The following ACSF2 variants were observed in gnomAD, a reference collection of about 807,000 sequenced individuals.
The protein encoded by ACSF2 is acyl-CoA synthetase family member 2, also known as medium-chain acyl-CoA ligase ACSF2, mitochondrial.
In ACSF2, 52 loss-of-function variants were observed where a neutral mutation model predicts 79.3. The observed-to-expected ratio is 0.66, with a 90% CI of 0.53 to 0.83. The LOEUF is 0.83. Among genes scored for constraint, ACSF2 ranks in the 40% least tolerant of loss-of-function variants. The pLI, the probability that ACSF2 is intolerant of heterozygous loss-of-function variation, is 0.00. For missense variants in ACSF2, 661 were observed against 803.3 expected (o/e 0.82, Z 2.14); for synonymous variants, 283 against 312.6 (o/e 0.91, Z 1.00).
At chr17:50,454,700 A>T (rs2031884502) in intron 1 of ACSF2, among the ~76,000 whole-genome samples, 1 of 152,138 alleles carries the variant, frequency 6.6e-6, no homozygotes, top group African/African-American at 2.4e-5. Flanking sequence ...GAAGCTTGGA[A>T]ACCTGGTCTT....
At chr17:50,453,780 CTGTTGT>C (rs913313298) in intron 1 of ACSF2, among the ~76,000 whole-genome samples, 3 of 150,178 alleles carry the variant, frequency 2.0e-5, no homozygotes, top group Non-Finnish European at 3.0e-5. Flanking sequence ...TGTGTGTGTG[CTGTTGT>C]TGTTGTTGTT....
intron 10 of ACSF2, chr17:50,465,750 T>G: frequency 6.2e-7 from 1 of 1,613,538 alleles, no homozygotes; most frequent in South Asian, 1.1e-5. Context: ...CAGGGGTTAT[T>G]GGTAAGGGCG....
chr17:50,461,954 G>A lies in ACSF2; in HGVS notation c.508-230G>A, dbSNP rs12602634. ...TGTGTGTGTGTGTGTGTGTGTGTGC[G>A]TGTGTCCATCCTCATATGTGATGCA... On this transcript the variant is annotated intron_variant, in intron 4 of 15. Transcript: ENST00000300441. Among the ~76,000 whole-genome samples the A allele has an allele frequency of 4.8e-3, 723 of 151,866 alleles. 34 individuals carry two copies. In the East Asian group the frequency reaches 0.11, roughly 22 times the overall value.
chr17:50,471,087 T>C lies in ACSF2; in HGVS notation c.1275T>C (p.Thr425=), dbSNP rs2033096973. Reference sequence around the variant, plus strand: ...CATTCGCGCACTTCCCTGAGGACACTGTGGAGCAGAAGGCAGAAAGCGTGG... The same window carrying C: ...CATTCGCGCACTTCCCTGAGGACACCGTGGAGCAGAAGGCAGAAAGCGTGG... The part of the protein sequence containing the change: ...PVTFAHFPED[T]VEQKAESVGR... Residue 425 remains threonine (T), a synonymous_variant, in exon 11 of 16, where the codon ACT becomes ACC. Coordinates refer to ENST00000300441, the MANE Select transcript of ACSF2 (RefSeq NM_025149.6). The surrounding 1 kb of genome is among the most constrained non-coding windows in gnomAD (Gnocchi z 4.1). The C allele has an allele frequency of 1.9e-6, 3 of 1,613,722 alleles. No homozygotes were observed. The highest frequency in any genetic ancestry group is 2.5e-6 in the Non-Finnish European group (3 of 1,179,912).
At chr17:50,441,012 G>A (rs944224540) in intron 1 of ACSF2, among the ~76,000 whole-genome samples, 10 of 152,372 alleles carry the variant, frequency 6.6e-5, no homozygotes, top group African/African-American at 2.2e-4. Context: ...CCCATGGACT[G>A]GAGGCACTCA....
chr17:50,469,221 T>C (rs2032974106), intron 10 of ACSF2, among the ~76,000 whole-genome samples: 1 of 152,248 alleles, frequency 6.6e-6, no homozygotes, highest in Non-Finnish European at 1.5e-5. Context: ...AGGGAGGCGT[T>C]CCCTCAACTT....
intron 1 of ACSF2, among the ~76,000 whole-genome samples, chr17:50,438,451 G>C (rs1232498751): frequency 6.6e-6 from 1 of 152,146 alleles, no homozygotes; most frequent in African/African-American, 2.4e-5. Context: ...AAGTTTTGCT[G>C]TTTCCCCACA....
In ACSF2 at chr17:50,474,547, C is replaced by A. The variant is rs144475592; in HGVS notation, c.1843C>A (p.Leu615Met). ...AGAGCAGATGGAACGACATCTAAAT[C>A]TGTGAATAAAGCAGCAGGCCTGTCC... ...LREQMERHLN[L>M] Residue 615 changes from leucine to methionine, a missense_variant, in exon 16 of 16, where the codon CTG becomes ATG. Physicochemically the swap from Leu to Met is conservative, Grantham distance 15. Coordinates refer to ENST00000300441, the MANE Select transcript of ACSF2 (RefSeq NM_025149.6). The surrounding 1 kb of genome is among the most constrained non-coding windows in gnomAD (Gnocchi z 4.2). The A allele has an allele frequency of 3.1e-6, 5 of 1,614,186 alleles. No individual in the cohort carries two copies. The African/African-American group carries it at 6.7e-5, about 22-fold the overall frequency.
chr17:50,465,321 A>T, intron 10 of ACSF2: 5 of 1,612,476 alleles, frequency 3.1e-6, no homozygotes, highest in South Asian at 1.1e-5. Context: ...GCTTTCTTGG[A>T]CCTCTTGGTG....
intron 1 of ACSF2, among the ~76,000 whole-genome samples, chr17:50,449,445 C>G (rs1281511134): frequency 6.6e-6 from 1 of 151,340 alleles, no homozygotes; most frequent in African/African-American, 2.4e-5. Context: ...CGCTTTGTCA[C>G]CCAGGCTGGA....
intron 1 of ACSF2, among the ~76,000 whole-genome samples, chr17:50,434,189 T>C (rs1224279205): frequency 6.6e-6 from 1 of 151,718 alleles, no homozygotes; most frequent in Non-Finnish European, 1.5e-5. Context: ...TGTGGTGGCA[T>C]GTGCTTGTGG....
chr17:50,474,754 G>A lies in ACSF2; in HGVS notation c.*202G>A. On this transcript the variant is annotated 3_prime_UTR_variant, in exon 16 of 16. Transcript: ENST00000300441. The surrounding 1 kb of genome is among the most constrained non-coding windows in gnomAD (Gnocchi z 4.2). ...CAAGGTGCCAAAAGGCAGGCAGCCT[G>A]CCCAGGCCCTCCCTCCTGTCCATCC... The A allele has an allele frequency of 1.7e-6, 1 of 580,980 alleles. No homozygotes were observed. The highest frequency in any genetic ancestry group is 3.2e-5 in the Admixed American group (1 of 31,676). The allele number at this position is 580,980 out of a possible 1,614,324, so 36.0% of individuals were successfully genotyped here. A position where few individuals can be genotyped will look rare whatever the true frequency, so the allele number is the denominator to read the frequency against.
At chr17:50,456,039 A>G (rs1035101560) in intron 1 of ACSF2, among the ~76,000 whole-genome samples, 6 of 152,282 alleles carry the variant, frequency 3.9e-5, no homozygotes, top group Middle Eastern at 3.4e-3. Context: ...GTCCCTCACA[A>G]GGCATGAACA....
chr17:50,459,762 C>A (rs1237913284), intron 1 of ACSF2, among the ~76,000 whole-genome samples: 1 of 152,138 alleles, frequency 6.6e-6, no homozygotes, highest in Non-Finnish European at 1.5e-5. Flanking sequence ...CCTGTTTCCA[C>A]CTGTGCACTG....
chr17:50,433,193 G>A (rs796917541), intron 1 of ACSF2, among the ~76,000 whole-genome samples: 39 of 149,154 alleles, frequency 2.6e-4, no homozygotes, highest in African/African-American at 6.2e-4. Context: ...TGTAACCTCC[G>A]CCTCCTGGGT....
chr17:50,443,209 G>A (rs1396211467), intron 1 of ACSF2, among the ~76,000 whole-genome samples: 1 of 152,146 alleles, frequency 6.6e-6, no homozygotes, highest in African/African-American at 2.4e-5. Context: ...CGCCCGGCCA[G>A]GTTTTTGTTT....
At chr17:50,428,584 AT>A (rs2143455907) in intron 1 of ACSF2, among the ~76,000 whole-genome samples, 1 of 152,188 alleles carries the variant, frequency 6.6e-6, no homozygotes, top group East Asian at 1.9e-4. Context: ...CAGGAGTTAG[AT>A]CAGACTGGCC....
At position 50,463,523 on chromosome 17, in the gene ACSF2, G is replaced by A; in HGVS notation, c.1017G>A (p.Lys339=). ...TGGCCTCTCCCATCTTCAATGGCAA[G>A]AAGGCACTGGAGGCCATCAGCAGAG... The part of the protein sequence containing the change: ...LILASPIFNG[K]KALEAISRER... The change falls in exon 8 of 16, where the codon AAG becomes AAA. Residue 339 remains lysine (K), a synonymous_variant. Transcript: ENST00000300441. The surrounding 1 kb of genome is among the most constrained non-coding windows in gnomAD (Gnocchi z 4.6). The A allele has an allele frequency of 6.2e-7, 1 of 1,614,160 alleles. No homozygotes were observed. The highest frequency in any genetic ancestry group is 8.5e-7 in the Non-Finnish European group (1 of 1,180,030).
chr17:50,445,484 T>C (rs562377798), intron 1 of ACSF2, among the ~76,000 whole-genome samples: 1 of 152,266 alleles, frequency 6.6e-6, no homozygotes, highest in South Asian at 2.1e-4. Flanking sequence ...AATCATTACA[T>C]TCCCGACGTG....
Sources: gnomAD v4.1 joint callset for allele counts (sites outside exome capture counted in the v4.1 genomes callset) on GRCh38, gnomAD v4.1.1 for gene constraint, Gnocchi (gnomAD v3.1) non-coding constraint, MANE v1.5 for transcripts, NCBI Gene and HGNC (gene_info 2026-07-23, HGNC 2026-07-21) for gene names.